UGGT1: variants seen among roughly 807,000 people sequenced by gnomAD.
The protein encoded by UGGT1 is UDP-glucose glycoprotein glucosyltransferase 1.
Under a neutral mutation model 203.9 loss-of-function variants are expected in UGGT1, and 107 were observed. That is an observed-to-expected ratio of 0.52 (90% CI 0.45 to 0.62). The LOEUF (loss-of-function observed/expected upper bound fraction) is 0.62, where lower values mean the gene tolerates loss of function less well. Among genes scored for constraint, UGGT1 ranks in the 20% least tolerant of loss-of-function variants. UGGT1 has a pLI of 0.00. For missense variants in UGGT1, 1,673 were observed against 1,867.2 expected, an observed-to-expected ratio of 0.90 and a Z score of 1.92; for synonymous variants, 628 against 653.5, an observed-to-expected ratio of 0.96 and a Z score of 0.59.
Position 128,113,099 on chromosome 2 carries a change from G to A in UGGT1, c.537G>A (p.Leu179=). Residue 179 remains leucine (L), a synonymous_variant, in exon 6 of 41, where the codon TTG becomes TTA. Transcript: ENST00000259253. ...LTASERPKPL[L]FKGDHRYPSS... ...TTATTTTCAGACCCAAACCTTTATTGTTCAAAGGAGATCACAGATATCCCT... is the reference window on the plus strand; with the variant it reads ...TTATTTTCAGACCCAAACCTTTATTATTCAAAGGAGATCACAGATATCCCT... The A allele has an allele frequency of 1.3e-6, 2 of 1,587,150 alleles. No individual in the cohort carries two copies. The highest frequency in any genetic ancestry group is 1.7e-6 in the Non-Finnish European group (2 of 1,165,878).
chr2:128,125,783 T>A (rs1366931058), intron 11 of UGGT1, among the ~76,000 whole-genome samples: 1 of 152,006 alleles, frequency 6.6e-6, no homozygotes, highest in Non-Finnish European at 1.5e-5. Context: ...TTATTGGGAG[T>A]TTTTATTTAC....
At chr2:128,182,101 C>G in intron 36 of UGGT1, 29 bp from the exon 37 acceptor site, 1 of 1,607,610 alleles carries the variant, frequency 6.2e-7, no homozygotes, top group Non-Finnish European at 8.5e-7. Flanking sequence ...TGCATGGTTG[C>G]TTAACAAATG....
chr2:128,171,956 A>G (rs905138580), intron 28 of UGGT1, among the ~76,000 whole-genome samples: 10 of 152,210 alleles, frequency 6.6e-5, no homozygotes, highest in Non-Finnish European at 1.2e-4. Context: ...CGTTGTGGCT[A>G]TGGGAAATTT....
At chr2:128,145,645 A>G in intron 17 of UGGT1, 158 bp from the exon 18 acceptor site, 2 of 740,420 alleles carry the variant, frequency 2.7e-6, no homozygotes, top group South Asian at 2.9e-5. Context: ...CTTTGATGTC[A>G]TTTTTCATTT....
At chr2:128,121,614 C>A (rs1435753099) in intron 10 of UGGT1, among the ~76,000 whole-genome samples, 1 of 152,044 alleles carries the variant, frequency 6.6e-6, no homozygotes, top group South Asian at 2.1e-4. Context: ...ACTGTGTTGG[C>A]CAGGCTAGTC....
intron 38 of UGGT1, 79 bp from the exon 39 acceptor site, chr2:128,186,604 C>A: frequency 8.1e-7 from 1 of 1,232,388 alleles, no homozygotes; most frequent in Non-Finnish European, 1.1e-6. Context: ...GGGACCCCAT[C>A]TCTCAATAAA....
chr2:128,143,205 G>T lies in UGGT1; in HGVS notation c.1831G>T (p.Ala611Ser). Residue 611 changes from alanine (A) to serine (S), a missense_variant, in exon 17 of 41, where the codon GCT (alanine) becomes TCT (serine). This residue lies in a region of UGGT1 where 1,073 missense variants were observed against 1,078.7 expected (regional missense o/e 0.99). Transcript: ENST00000259253. ...GAATAGCATTTTGGGGATTGATTCT[G>T]CTTATGATCGGAATCGGAAGGTAAA... ...EVNSILGIDS[A>S]YDRNRKEARG... 1 of 1,613,638 alleles carries T rather than the reference G, an allele frequency of 6.2e-7. No individual in the cohort carries two copies. Among genetic ancestry groups the T allele is most frequent in the Non-Finnish European group, 8.5e-7 (1 of 1,179,824 alleles).
At chr2:128,093,489 C>T (rs551535508) in intron 1 of UGGT1, among the ~76,000 whole-genome samples, 1 of 152,258 alleles carries the variant, frequency 6.6e-6, no homozygotes, top group South Asian at 2.1e-4. Flanking sequence ...AAGTGTGGAT[C>T]TGTCAGATTG....
chr2:128,186,630 C>A (rs1293497334), intron 38 of UGGT1, 53 bp from the exon 39 acceptor site: 3 of 1,425,054 alleles, frequency 2.1e-6, no homozygotes, highest in Admixed American at 1.8e-5. Flanking sequence ...AAATAAATAT[C>A]GCCAGAACTT....
intron 38 of UGGT1, among the ~76,000 whole-genome samples, chr2:128,185,782 CTATT>C (rs1306364636): frequency 6.6e-6 from 1 of 152,138 alleles, no homozygotes; most frequent in East Asian, 1.9e-4. Context: ...GAAGTATCAT[CTATT>C]TATTTTTGTA....
rs1423188790 is a variant in UGGT1, at chr2:128,192,405, C to T, written c.*2663C>T. The T allele has an allele frequency of 1.3e-5, 2 of 151,498 alleles. No homozygotes were observed. Among genetic ancestry groups the T allele is most frequent in the Non-Finnish European group, 2.9e-5 (2 of 67,922 alleles). 9.4% of individuals were successfully genotyped at this position (151,498 alleles called of 1,614,324 possible). A position where few individuals can be genotyped will look rare whatever the true frequency, so the allele number is the denominator to read the frequency against. On this transcript the variant is annotated 3_prime_UTR_variant, in exon 41 of 41. Coordinates refer to ENST00000259253, the MANE Select transcript of UGGT1 (RefSeq NM_020120.4). ...GAAAAGATAGGTAAGATATTTTTTTCCCAAGAAGTAAGAATTGATTGTGCT... is the reference window on the plus strand; with the variant it reads ...GAAAAGATAGGTAAGATATTTTTTTTCCAAGAAGTAAGAATTGATTGTGCT...
At chr2:128,110,452 C>A (rs181042942) in intron 5 of UGGT1, among the ~76,000 whole-genome samples, 1 of 152,320 alleles carries the variant, frequency 6.6e-6, no homozygotes, top group African/African-American at 2.4e-5. Context: ...GTGCTTCTTA[C>A]TCAGAGTGCC....
chr2:128,122,861 C>T (rs1241414919), intron 10 of UGGT1, among the ~76,000 whole-genome samples: 1 of 152,144 alleles, frequency 6.6e-6, no homozygotes, highest in Non-Finnish European at 1.5e-5. Context: ...CAATCTGCTG[C>T]CTTGGTGTAT....
intron 12 of UGGT1, among the ~76,000 whole-genome samples, chr2:128,128,462 C>T (rs1024420978): frequency 6.6e-6 from 1 of 152,046 alleles, no homozygotes; most frequent in African/African-American, 2.4e-5. Flanking sequence ...CAGGCACCTG[C>T]CACCATGCCC....
chr2:128,136,230 C>T (rs10928808), intron 15 of UGGT1, among the ~76,000 whole-genome samples: 87,195 of 151,914 alleles, frequency 0.57, 25,199 homozygotes, highest in East Asian at 0.66. Context: ...TTATTATTAA[C>T]TAAACTCCAT....
intron 26 of UGGT1, among the ~76,000 whole-genome samples, chr2:128,170,027 CT>C (rs770803895): frequency 7.9e-5 from 12 of 152,284 alleles, no homozygotes; most frequent in Non-Finnish European, 1.6e-4. Flanking sequence ...ACTTCAGTAG[CT>C]TTTCTCAGTT....
Position 128,177,889 on chromosome 2 carries a change from A to G in UGGT1, c.3682A>G (p.Asn1228Asp), listed in dbSNP as rs1213160937. Residue 1228 changes from asparagine to aspartate, a missense_variant, in exon 33 of 41, where the codon AAT (asparagine) becomes GAT (aspartate). Transcript: ENST00000259253. ...EDLLSDGTSE[N>D]ESGFWDSFKW... ...CTTGCTGAGTGATGGAACGAGTGAG[A>G]ATGAATCTGGATTTTGGGATTCCTT... 1 of 1,604,898 alleles carries G rather than the reference A, an allele frequency of 6.2e-7. No individual in the cohort carries two copies. Among genetic ancestry groups the G allele is most frequent in the Admixed American group, 1.7e-5 (1 of 58,174 alleles).
chr2:128,127,941 G>A lies in UGGT1; in HGVS notation c.1226+489G>A, dbSNP rs535382160. Among the ~76,000 whole-genome samples the A allele has an allele frequency of 4.0e-4, 61 of 152,234 alleles. 2 individuals are homozygous for A. The highest frequency in any genetic ancestry group is 1.4e-3 in the African/African-American group (59 of 41,546). ...ATACAAAAATTAGCCATGCCTAGTAGTGTGTATCTGTAGTACCAACTACTT... is the reference window on the plus strand; with the variant it reads ...ATACAAAAATTAGCCATGCCTAGTAATGTGTATCTGTAGTACCAACTACTT... On this transcript the variant is annotated intron_variant, in intron 12 of 40. Transcript: ENST00000259253.
chr2:128,097,732 C>CA (rs1463114711), intron 2 of UGGT1, among the ~76,000 whole-genome samples, 168 bp downstream of exon 2: 1 of 152,192 alleles, frequency 6.6e-6, no homozygotes, highest in Admixed American at 6.5e-5. Flanking sequence ...TAGGACATAG[C>CA]ATCATTCAGT....
Sources: allele counts gnomAD v4.1 joint callset (sites outside exome capture counted in the v4.1 genomes callset), GRCh38; gene constraint gnomAD v4.1.1; regional missense constraint gnomAD v4.1.1; transcripts MANE v1.5; gene names NCBI Gene and HGNC (gene_info 2026-07-23, HGNC 2026-07-21).